Variants in ZNF544 observed in about 807,000 individuals in gnomAD.
ZNF544 encodes zinc finger protein AF020591.
A neutral mutation model predicts 13.5 loss-of-function variants in ZNF544; 10 were observed. The observed-to-expected ratio is 0.74, with a 90% CI of 0.46 to 1.25. The LOEUF is 1.25. ZNF544 is among the 50% of genes most tolerant of loss of function. The probability of loss-of-function intolerance (pLI) is 0.00; values close to 1 mark genes in which losing one functional copy is unlikely to be tolerated. For missense variants in ZNF544, 896 were observed against 845.6 expected (o/e 1.06, Z -0.74); for synonymous variants, 323 against 300.5 (o/e 1.07, Z -0.77).
At chr19:58,272,163 GAAA>G (rs5828754) in intron 5 of ZNF544, among the ~76,000 whole-genome samples, 20 of 127,974 alleles carry the variant, frequency 1.6e-4, no homozygotes, top group Non-Finnish European at 1.8e-4. Flanking sequence ...TCCTTGACAG[GAAA>G]AAAAAAAAAA....
Position 58,263,482 on chromosome 19 carries a change from A to G in ZNF544, c.*728A>G, listed in dbSNP as rs2049413357. 2 of 985,396 alleles carry G rather than the reference A, an allele frequency of 2.0e-6. No homozygotes were observed. The highest frequency in any genetic ancestry group is 2.3e-4 in the East Asian group (2 of 8,806). The allele number at this position is 985,396 out of a possible 1,614,324, so 61.0% of individuals were successfully genotyped here. A position where few individuals can be genotyped will look rare whatever the true frequency, so the allele number is the denominator to read the frequency against. On this transcript the variant is annotated 3_prime_UTR_variant, in exon 7 of 7. Coordinates refer to ENST00000687789, the MANE Select transcript of ZNF544 (RefSeq NM_014480.4). ...AAATAAATAATAACCAAGATGGGAA[A>G]TTTCCCTGCCAGACCTTGTTTACTA...
intron 6 of ZNF544, among the ~76,000 whole-genome samples, chr19:58,250,634 CTT>C (rs2147228233): frequency 6.6e-6 from 1 of 152,236 alleles, no homozygotes; most frequent in East Asian, 1.9e-4. Context: ...TTTGGCTTCT[CTT>C]AATACAAAGT....
chr19:58,273,473 C>A (rs1433378008), intron 5 of ZNF544, among the ~76,000 whole-genome samples: 1 of 151,940 alleles, frequency 6.6e-6, no homozygotes, highest in South Asian at 2.1e-4. Context: ...GGCGGATCAC[C>A]AGGTCAGGAG....
Position 58,231,189 on chromosome 19 carries a change from CAG to C in ZNF544, c.-60+728_-60+729del, listed in dbSNP as rs143787033. 8.1e-4 allele frequency among the ~76,000 whole-genome samples: 123 copies of C among 152,100 alleles called. 1 individual carries two copies. The highest frequency in any genetic ancestry group is 2.8e-3 in the African/African-American group (118 of 41,472). On this transcript the variant is annotated intron_variant, in intron 3 of 6. Coordinates refer to ENST00000687789, the MANE Select transcript of ZNF544 (RefSeq NM_014480.4). Reference sequence around the variant, plus strand: ...AGGCCAAGGATGTTAAGAAAAAGAACAGGGGCATTGGGCTGGGCTGGGGTGGG... The same window carrying C: ...AGGCCAAGGATGTTAAGAAAAAGAACGGGCATTGGGCTGGGCTGGGGTGGG...
intron 3 of ZNF544, among the ~76,000 whole-genome samples, chr19:58,239,516 A>T (rs1474784768): frequency 6.6e-6 from 1 of 152,206 alleles, no homozygotes; most frequent in Admixed American, 6.5e-5. Flanking sequence ...CGGGTCCTTG[A>T]GACCATTCTC....
intron 3 of ZNF544, among the ~76,000 whole-genome samples, chr19:58,239,041 C>G (rs538928834): frequency 2.0e-5 from 3 of 152,138 alleles, no homozygotes; most frequent in Admixed American, 6.5e-5. Context: ...TCTGAGTTCT[C>G]CTTCGCGTTC....
At chr19:58,251,098 C>T (rs2046225299) in intron 6 of ZNF544, among the ~76,000 whole-genome samples, 1 of 152,022 alleles carries the variant, frequency 6.6e-6, no homozygotes, top group African/African-American at 2.4e-5. Context: ...GGGTGGATAC[C>T]TATGCTGTCA....
chr19:58,262,134 C>T lies in ZNF544; in HGVS notation c.1528C>T (p.His510Tyr). The T allele has an allele frequency of 1.9e-6, 3 of 1,613,424 alleles. No individual in the cohort carries two copies. Among genetic ancestry groups the T allele is most frequent in the Non-Finnish European group, 2.5e-6 (3 of 1,179,948 alleles). ...CAGCCAGAAGTATGACCTTGTTGTA[C>T]ATCAGAGGACACACACTGGAGAGAA... ...SFSQKYDLVV[H>Y]QRTHTGEKPY... Residue 510 changes from histidine to tyrosine, a missense_variant, in exon 7 of 7, where the codon CAT (histidine) becomes TAT (tyrosine). Physicochemically the swap from His to Tyr is moderately conservative, Grantham distance 83 (BLOSUM62 2). Coordinates refer to ENST00000687789, the MANE Select transcript of ZNF544 (RefSeq NM_014480.4).
chr19:58,255,303 G>A (rs1319613909), intron 6 of ZNF544, among the ~76,000 whole-genome samples: 1 of 152,158 alleles, frequency 6.6e-6, no homozygotes, highest in Non-Finnish European at 1.5e-5. Flanking sequence ...AGCCTCCTGA[G>A]TAGCTGGGGA....
At chr19:58,260,775 T>C in intron 6 of ZNF544, 76 bp from the exon 7 acceptor site, 19 of 1,310,380 alleles carry the variant, frequency 1.4e-5, no homozygotes, top group East Asian at 2.5e-5. Context: ...CATTAAACAG[T>C]TGTCTCCTTC....
intron 5 of ZNF544, among the ~76,000 whole-genome samples, chr19:58,273,775 G>A (rs185876827): frequency 1.6e-3 from 239 of 151,288 alleles, no homozygotes; most frequent in African/African-American, 5.7e-3. Flanking sequence ...AAAAGTCACT[G>A]AAGACCCTAA....
At chr19:58,266,143 T>C (rs1214381003), downstream of ZNF544, among the ~76,000 whole-genome samples, 1 of 140,418 alleles carries the variant, frequency 7.1e-6, no homozygotes, top group Admixed American at 7.6e-5. Flanking sequence ...AAGGTGGAGG[T>C]TGCAGTGAGC....
chr19:58,243,368 A>C (rs1458249573), intron 3 of ZNF544, among the ~76,000 whole-genome samples: 1 of 151,378 alleles, frequency 6.6e-6, no homozygotes, highest in East Asian at 2.0e-4. Context: ...GTTTTTGCCA[A>C]ACTCTCGGTA....
chr19:58,267,353 C>T (rs754414058), downstream of ZNF544, among the ~76,000 whole-genome samples: 3 of 151,922 alleles, frequency 2.0e-5, no homozygotes, highest in African/African-American at 7.2e-5. Context: ...TGAGCCACCG[C>T]ACCCAGCAGA....
chr19:58,262,891 A>G lies in ZNF544; in HGVS notation c.*137A>G. 4.7e-6 allele frequency: 7 copies of G among 1,480,048 alleles called. No homozygotes were observed. The highest frequency in any genetic ancestry group is 6.2e-6 in the Non-Finnish European group (7 of 1,121,448). 91.7% of individuals were successfully genotyped at this position (1,480,048 alleles called of 1,614,324 possible). A position where few individuals can be genotyped will look rare whatever the true frequency, so the allele number is the denominator to read the frequency against. ...TGTGACTCATTGAACATCAGAGGACATATCCTGGAGAAAAGCCCTACGAAT... is the reference window on the plus strand; with the variant it reads ...TGTGACTCATTGAACATCAGAGGACGTATCCTGGAGAAAAGCCCTACGAAT... On this transcript the variant is annotated 3_prime_UTR_variant, in exon 7 of 7. Coordinates refer to ENST00000687789, the MANE Select transcript of ZNF544 (RefSeq NM_014480.4).
chr19:58,261,272 C>T lies in ZNF544; in HGVS notation c.666C>T (p.Phe222=). The change falls in exon 7 of 7, where the codon TTC becomes TTT. Residue 222 remains phenylalanine (F), a synonymous_variant. Coordinates refer to ENST00000687789, the MANE Select transcript of ZNF544 (RefSeq NM_014480.4). ...AGAGTCATCAGTGTGCTAGAGCTTT[C>T]TGTCAGAGTATTTACTTGAGTAAAC... ...HCESHQCARA[F]CQSIYLSKLG... 1 of 1,614,168 alleles carries T rather than the reference C, an allele frequency of 6.2e-7. No individual in the cohort carries two copies. The highest frequency in any genetic ancestry group is 8.5e-7 in the Non-Finnish European group (1 of 1,180,030).
In ZNF544 at chr19:58,262,850, G is replaced by T. The variant is rs569027865; in HGVS notation, c.*96G>T. On this transcript the variant is annotated 3_prime_UTR_variant, in exon 7 of 7. Transcript: ENST00000687789. ...GTGGGAAGAGCTATCAGTGTGACGT[G>T]TATTAAGCCAGCGGTTGTGACTCAT... 56 of 1,502,972 alleles carry T rather than the reference G, an allele frequency of 3.7e-5. No individual in the cohort carries two copies. The East Asian group carries it at 1.3e-3, about 34-fold the overall frequency. 93.1% of individuals were successfully genotyped at this position (1,502,972 alleles called of 1,614,324 possible).
intron 6 of ZNF544, among the ~76,000 whole-genome samples, chr19:58,254,961 C>T (rs2046956162): frequency 6.6e-6 from 1 of 151,174 alleles, no homozygotes; most frequent in Non-Finnish European, 1.5e-5. Flanking sequence ...GATCTCGGCT[C>T]ACTGCAAGCT....
intron 6 of ZNF544, among the ~76,000 whole-genome samples, chr19:58,254,007 G>A (rs1568485112): frequency 6.6e-6 from 1 of 152,144 alleles, no homozygotes; most frequent in African/African-American, 2.4e-5. Flanking sequence ...GGCGGATCAC[G>A]AGGTCAGGAG....
Sources: allele counts gnomAD v4.1 joint callset (sites outside exome capture counted in the v4.1 genomes callset), GRCh38; gene constraint gnomAD v4.1.1; transcripts MANE v1.5; gene names NCBI Gene and HGNC (gene_info 2026-07-23, HGNC 2026-07-21).